Variants in GALNT13 observed in about 807,000 individuals in gnomAD.
GALNT13 encodes the protein polypeptide N-acetylgalactosaminyltransferase 13.
GALNT13 carries 28 observed loss-of-function variants against 64.2 expected under a neutral mutation model. That is an observed-to-expected ratio of 0.44 (90% CI 0.32 to 0.60). GALNT13 has a LOEUF of 0.60. Among genes scored for constraint, GALNT13 ranks in the 20% least tolerant of loss-of-function variants. GALNT13 has a pLI of 0.05. For synonymous variants in GALNT13, 214 were observed against 224.6 expected, an observed-to-expected ratio of 0.95 and a Z score of 0.42; for missense variants, 577 against 669.8, an observed-to-expected ratio of 0.86 and a Z score of 1.53.
At chr2:153,719,150 A>G in the GALNT13 span, among the ~76,000 whole-genome samples, 1 of 152,162 alleles carries the variant, frequency 6.6e-6, no homozygotes, top group Non-Finnish European at 1.5e-5. Flanking sequence ...TACAACAACC[A>G]TCTGATCAAT....
the GALNT13 span, among the ~76,000 whole-genome samples, chr2:153,626,453 G>T: frequency 6.6e-6 from 1 of 152,100 alleles, no homozygotes; most frequent in African/African-American, 2.4e-5. Context: ...TTTTCTGTAA[G>T]GATTTACTGT....
intron 9 of GALNT13, among the ~76,000 whole-genome samples, chr2:154,316,319 A>G (rs1283050284): frequency 6.6e-6 from 1 of 152,206 alleles, no homozygotes; most frequent in African/African-American, 2.4e-5. Context: ...AAACAGAGCA[A>G]TACATTTGAA....
At chr2:153,591,722 A>G in the GALNT13 span, among the ~76,000 whole-genome samples, 7 of 152,140 alleles carry the variant, frequency 4.6e-5, no homozygotes, top group African/African-American at 1.4e-4. Context: ...CCCAAACTGT[A>G]AAAACACTGG....
At chr2:153,572,678 C>T in the GALNT13 span, among the ~76,000 whole-genome samples, 2 of 151,774 alleles carry the variant, frequency 1.3e-5, no homozygotes, top group East Asian at 1.9e-4. Context: ...TTTCCGTTTT[C>T]TTCTTAATTT....
the GALNT13 span, among the ~76,000 whole-genome samples, chr2:153,236,694 C>G: frequency 1.3e-5 from 2 of 152,022 alleles, no homozygotes; most frequent in East Asian, 3.9e-4. Context: ...TATTATTGAT[C>G]ATTGACAATG....
the GALNT13 span, among the ~76,000 whole-genome samples, chr2:153,603,921 G>C: frequency 1.3e-5 from 2 of 151,998 alleles, no homozygotes; most frequent in Admixed American, 6.6e-5. Flanking sequence ...TGTTTTCTGT[G>C]TGTATGTCAT....
At chr2:154,422,774 T>C (rs570323186) in intron 11 of GALNT13, among the ~76,000 whole-genome samples, 2 of 152,290 alleles carry the variant, frequency 1.3e-5, no homozygotes, top group East Asian at 3.9e-4. Context: ...CAGTGTCCAA[T>C]TCATGGTTTA....
At chr2:154,032,769 C>A (rs1392904796) in intron 3 of GALNT13, among the ~76,000 whole-genome samples, 3 of 150,828 alleles carry the variant, frequency 2.0e-5, no homozygotes, top group African/African-American at 7.3e-5. Context: ...TTAAATAAGA[C>A]ACTTATTATA....
the GALNT13 span, among the ~76,000 whole-genome samples, chr2:153,754,522 A>G: frequency 6.6e-6 from 1 of 152,106 alleles, no homozygotes; most frequent in South Asian, 2.1e-4. Context: ...ACTCTTGACC[A>G]GTGCCTATCC....
At chr2:153,817,407 C>T in the GALNT13 span, among the ~76,000 whole-genome samples, 1 of 152,174 alleles carries the variant, frequency 6.6e-6, no homozygotes. Context: ...GATATCTGAT[C>T]ATCCTTCATA....
At chr2:153,475,774 A>C in the GALNT13 span, among the ~76,000 whole-genome samples, 1 of 152,174 alleles carries the variant, frequency 6.6e-6, no homozygotes, top group African/African-American at 2.4e-5. Flanking sequence ...GTGAGCTAAT[A>C]AATCTTCCAG....
At chr2:154,353,366 G>T (rs948523181) in intron 9 of GALNT13, among the ~76,000 whole-genome samples, 1 of 152,140 alleles carries the variant, frequency 6.6e-6, no homozygotes, top group African/African-American at 2.4e-5. Context: ...TAGTAAAATG[G>T]TTATTACAGT....
chr2:154,107,822 T>A (rs1702706399), intron 3 of GALNT13, among the ~76,000 whole-genome samples: 1 of 152,140 alleles, frequency 6.6e-6, no homozygotes, highest in Non-Finnish European at 1.5e-5. Context: ...ATGAGTTTTA[T>A]TTCTATAGAT....
intron 9 of GALNT13, among the ~76,000 whole-genome samples, chr2:154,350,034 A>G (rs1574136048): frequency 6.6e-6 from 1 of 152,334 alleles, no homozygotes; most frequent in African/African-American, 2.4e-5. Context: ...TCAAGGACAA[A>G]AGAAAAAACC....
the GALNT13 span, among the ~76,000 whole-genome samples, chr2:153,420,456 TATG>T: frequency 4.6e-5 from 7 of 152,142 alleles, no homozygotes; most frequent in Admixed American, 6.6e-5. Context: ...ATATAGCAAA[TATG>T]ATCTCCATGT....
chr2:153,239,841 A>T, the GALNT13 span, among the ~76,000 whole-genome samples: 1 of 152,108 alleles, frequency 6.6e-6, no homozygotes, highest in Non-Finnish European at 1.5e-5. Flanking sequence ...GGCCTCATAG[A>T]ATGAGTTTGG....
chr2:154,299,896 A>C (rs1693329294), intron 8 of GALNT13, among the ~76,000 whole-genome samples: 1 of 151,800 alleles, frequency 6.6e-6, no homozygotes, highest in Non-Finnish European at 1.5e-5. Flanking sequence ...CACTGTTTAA[A>C]AATTATAAAA....
At chr2:153,598,115 A>G in the GALNT13 span, among the ~76,000 whole-genome samples, 5 of 152,130 alleles carry the variant, frequency 3.3e-5, no homozygotes, top group African/African-American at 1.2e-4. Context: ...ATGTAAACCC[A>G]AAACAGATCA....
the GALNT13 span, among the ~76,000 whole-genome samples, chr2:153,446,058 C>T: frequency 2.6e-5 from 4 of 152,176 alleles, no homozygotes; most frequent in East Asian, 5.8e-4. Flanking sequence ...ATAAAGTTTA[C>T]GTTACATAGC....
Sources: gnomAD v4.1 joint callset for allele counts (sites outside exome capture counted in the v4.1 genomes callset) on GRCh38, gnomAD v4.1.1 for gene constraint, MANE v1.5 for transcripts, NCBI Gene and HGNC (gene_info 2026-07-23, HGNC 2026-07-21) for gene names.